The following PDE4B variants were observed in gnomAD, a reference collection of about 807,000 sequenced individuals.
The protein encoded by PDE4B is phosphodiesterase 4B, also known as 3',5'-cyclic-AMP phosphodiesterase 4B.
Under a neutral mutation model 82.2 loss-of-function variants are expected in PDE4B, and 20 were observed. The observed-to-expected ratio is 0.24, with a 90% CI of 0.17 to 0.35. The LOEUF (loss-of-function observed/expected upper bound fraction) is 0.35. PDE4B is among the 10% of genes least tolerant of loss of function. The pLI, the probability that PDE4B is intolerant of heterozygous loss-of-function variation, is 1.00. For synonymous variants in PDE4B, 320 were observed against 318.9 expected (o/e 1.00, Z -0.04); for missense variants, 655 against 907.2 (o/e 0.72, Z 3.57).
chr1:66,241,753 A>G (rs1253549095), intron 3 of PDE4B, among the ~76,000 whole-genome samples: 1 of 152,074 alleles, frequency 6.6e-6, no homozygotes, highest in South Asian at 2.1e-4. Context: ...AGAAACATAC[A>G]CCTTATTATA....
chr1:66,204,785 C>G (rs546993494), intron 3 of PDE4B, among the ~76,000 whole-genome samples: 84 of 152,348 alleles, frequency 5.5e-4, no homozygotes, highest in African/African-American at 1.8e-3. Context: ...TCCCTGACCC[C>G]TTGCACTTCC....
Position 65,918,842 on chromosome 1 carries a change from A to C in PDE4B, c.281+7A>C. ...CAACTGTAAGCCAGGAGTGGTGAGTAGCCTCAAAATCAAATGTCAATTCTA... is the reference window on the plus strand; with the variant it reads ...CAACTGTAAGCCAGGAGTGGTGAGTCGCCTCAAAATCAAATGTCAATTCTA... On this transcript the variant is annotated splice_region_variant and intron_variant, in intron 3 of 16. Transcript: ENST00000341517. 6.7e-7 allele frequency: 1 copy of C among 1,498,900 alleles called. No homozygotes were observed. The highest frequency in any genetic ancestry group is 1.1e-5 in the South Asian group (1 of 88,834). The allele number at this position is 1,498,900 out of a possible 1,614,324, so 92.9% of individuals were successfully genotyped here.
At chr1:66,081,639 T>C (rs1047388705) in intron 3 of PDE4B, among the ~76,000 whole-genome samples, 6 of 152,126 alleles carry the variant, frequency 3.9e-5, no homozygotes, top group African/African-American at 1.4e-4. Context: ...TCATGTTTTA[T>C]CAGGAACCCT....
intron 3 of PDE4B, among the ~76,000 whole-genome samples, chr1:66,038,328 A>G (rs887352591): frequency 2.0e-5 from 3 of 152,188 alleles, no homozygotes; most frequent in Non-Finnish European, 4.4e-5. Flanking sequence ...ATGATTATGT[A>G]TGTGTTTGGC....
intron 3 of PDE4B, among the ~76,000 whole-genome samples, chr1:66,227,391 C>T (rs1651540600): frequency 6.6e-6 from 1 of 152,164 alleles, no homozygotes; most frequent in Non-Finnish European, 1.5e-5. Flanking sequence ...CTCAGGATCC[C>T]TATCTATATA....
At chr1:66,013,618 C>T (rs1652611113) in intron 3 of PDE4B, among the ~76,000 whole-genome samples, 1 of 151,952 alleles carries the variant, frequency 6.6e-6, no homozygotes, top group Non-Finnish European at 1.5e-5. Context: ...AAGTCTATAC[C>T]ACTTAAGCAA....
chr1:65,834,927 T>G (rs928093307), intron 1 of PDE4B, among the ~76,000 whole-genome samples: 1 of 152,160 alleles, frequency 6.6e-6, no homozygotes, highest in Non-Finnish European at 1.5e-5. Flanking sequence ...AATCAGAGCC[T>G]CATCCCTGGA....
At chr1:66,077,307 T>C (rs1295903354) in intron 3 of PDE4B, among the ~76,000 whole-genome samples, 3 of 152,196 alleles carry the variant, frequency 2.0e-5, no homozygotes, top group Non-Finnish European at 4.4e-5. Context: ...AATGCATTTA[T>C]GCTAAATACT....
At chr1:66,268,108 C>T (rs991426390) in intron 7 of PDE4B, among the ~76,000 whole-genome samples, 1 of 152,154 alleles carries the variant, frequency 6.6e-6, no homozygotes, top group Non-Finnish European at 1.5e-5. Context: ...AAATCTACAT[C>T]AATTTAAACA....
chr1:66,160,326 T>G (rs1160987614), intron 3 of PDE4B, among the ~76,000 whole-genome samples: 1 of 152,248 alleles, frequency 6.6e-6, no homozygotes, highest in Non-Finnish European at 1.5e-5. Context: ...CTTCTTTATA[T>G]GAACCAATGG....
chr1:66,164,839 A>G (rs565528163), intron 3 of PDE4B, among the ~76,000 whole-genome samples: 179 of 148,230 alleles, frequency 1.2e-3, no homozygotes, highest in Non-Finnish European at 1.8e-3. Context: ...GCTTACTGCA[A>G]GCAAGCTCCA....
chr1:65,823,889 T>C (rs529151986), intron 1 of PDE4B, among the ~76,000 whole-genome samples: 2 of 152,336 alleles, frequency 1.3e-5, no homozygotes, highest in East Asian at 3.9e-4. Flanking sequence ...TTATCTGCTA[T>C]GTACCCCTTA....
intron 3 of PDE4B, among the ~76,000 whole-genome samples, chr1:65,969,540 T>G (rs1007727766): frequency 6.6e-6 from 1 of 152,196 alleles, no homozygotes; most frequent in African/African-American, 2.4e-5. Context: ...AGCTTAGCAA[T>G]GTATTTAGTT....
At chr1:66,368,188 G>A in intron 15 of PDE4B, 123 bp downstream of exon 15, 1 of 905,862 alleles carries the variant, frequency 1.1e-6, no homozygotes, top group Admixed American at 2.9e-5. Flanking sequence ...CTATAGCTTA[G>A]GGCTTATTTT....
At chr1:65,956,881 G>A (rs1031127754) in intron 3 of PDE4B, among the ~76,000 whole-genome samples, 7 of 152,006 alleles carry the variant, frequency 4.6e-5, no homozygotes, top group Non-Finnish European at 8.8e-5. Context: ...TACCAGCCAT[G>A]TATAAAGGTT....
At chr1:66,087,953 G>T (rs749152548) in intron 3 of PDE4B, among the ~76,000 whole-genome samples, 6 of 151,432 alleles carry the variant, frequency 4.0e-5, no homozygotes, top group Non-Finnish European at 8.8e-5. Flanking sequence ...CACCAGCATG[G>T]CACATGTATA....
At chr1:66,098,291 A>G (rs1159115751) in intron 3 of PDE4B, among the ~76,000 whole-genome samples, 1 of 152,016 alleles carries the variant, frequency 6.6e-6, no homozygotes, top group Non-Finnish European at 1.5e-5. Context: ...ATAAACTCTG[A>G]TCTCTACCTT....
chr1:65,980,759 C>G (rs1650643475), intron 3 of PDE4B, among the ~76,000 whole-genome samples: 1 of 152,070 alleles, frequency 6.6e-6, no homozygotes, highest in Admixed American at 6.6e-5. Context: ...GAAAGGAGGA[C>G]TTCAAAAATT....
chr1:65,878,526 A>G (rs1269375326), intron 1 of PDE4B, among the ~76,000 whole-genome samples: 2 of 152,350 alleles, frequency 1.3e-5, no homozygotes, highest in Non-Finnish European at 1.5e-5. Flanking sequence ...TGTGGCACAT[A>G]TACGTCATGG....
Sources: allele counts gnomAD v4.1 joint callset (sites outside exome capture counted in the v4.1 genomes callset), GRCh38; gene constraint gnomAD v4.1.1; transcripts MANE v1.5; gene names NCBI Gene and HGNC (gene_info 2026-07-23, HGNC 2026-07-21).